Variants in SLC25A17 observed in about 807,000 individuals in gnomAD.
The protein encoded by SLC25A17 is peroxisomal membrane protein PMP34.
A neutral mutation model predicts 38.5 loss-of-function variants in SLC25A17; 26 were observed. The observed-to-expected ratio is 0.68, with a 90% CI of 0.50 to 0.94. The LOEUF is 0.94. Among genes scored for constraint, SLC25A17 ranks in the 40% least tolerant of loss-of-function variants. The probability of loss-of-function intolerance (pLI) is 0.00; values close to 1 mark genes in which losing one functional copy is unlikely to be tolerated. For missense variants in SLC25A17, 333 were observed against 372.7 expected (o/e 0.89, Z 0.88); for synonymous variants, 139 against 136.2 (o/e 1.02, Z -0.14).
At chr22:40,802,705 C>T (rs2057493809) in intron 1 of SLC25A17, among the ~76,000 whole-genome samples, 1 of 152,122 alleles carries the variant, frequency 6.6e-6, no homozygotes, top group African/African-American at 2.4e-5. Flanking sequence ...TTTAGTAGCA[C>T]TGGAAAGACT....
intron 1 of SLC25A17, among the ~76,000 whole-genome samples, chr22:40,800,789 C>CAAA (rs150918938): frequency 9.1e-6 from 1 of 110,336 alleles, no homozygotes. Context: ...GAGTCTGCCT[C>CAAA]AAAAAAAAAA....
intron 4 of SLC25A17, among the ~76,000 whole-genome samples, chr22:40,787,686 TTTC>T (rs1481313217): frequency 6.6e-6 from 1 of 152,102 alleles, no homozygotes; most frequent in Non-Finnish European, 1.5e-5. Context: ...TCTTGACAGT[TTTC>T]TTTTCTTCTT....
At chr22:40,807,993 T>C (rs903638528) in intron 1 of SLC25A17, among the ~76,000 whole-genome samples, 8 of 152,138 alleles carry the variant, frequency 5.3e-5, no homozygotes, top group Non-Finnish European at 1.2e-4. Context: ...ACACTCATTT[T>C]TTTCCCCTGA....
At chr22:40,795,430 C>T (rs931148525) in intron 2 of SLC25A17, among the ~76,000 whole-genome samples, 9 of 151,688 alleles carry the variant, frequency 5.9e-5, no homozygotes, top group Admixed American at 2.6e-4. Flanking sequence ...GTAGCTGGGA[C>T]TACAGGCGCC....
At chr22:40,788,170 C>T (rs1382357382) in intron 4 of SLC25A17, among the ~76,000 whole-genome samples, 2 of 152,314 alleles carry the variant, frequency 1.3e-5, no homozygotes, top group East Asian at 3.9e-4. Context: ...TAGTGACTTG[C>T]CTTTTTACCC....
intron 1 of SLC25A17, 93 bp downstream of exon 1, chr22:40,819,102 C>T: frequency 7.4e-7 from 1 of 1,344,688 alleles, no homozygotes; most frequent in Non-Finnish European, 1.0e-6. Context: ...CACACTACCT[C>T]CCTCTCAGAC....
chr22:40,770,573 C>A lies in SLC25A17; in HGVS notation c.*261G>T, dbSNP rs576972686. 4 of 288,772 alleles carry A rather than the reference C, an allele frequency of 1.4e-5. No individual in the cohort carries two copies. The highest frequency in any genetic ancestry group is 4.3e-5 in the African/African-American group (2 of 46,278). The allele number at this position is 288,772 out of a possible 1,614,324, so 17.9% of individuals were successfully genotyped here. A position where few individuals can be genotyped will look rare whatever the true frequency, so the allele number is the denominator to read the frequency against. On this transcript the variant is annotated 3_prime_UTR_variant, in exon 9 of 9. Coordinates refer to ENST00000435456, the MANE Select transcript of SLC25A17 (RefSeq NM_006358.4). ...TCTTAAGAAAACCAATAAACACTCACAAACTTTCATTTTTAGGTTTTCAGC... is the reference window on the plus strand; with the variant it reads ...TCTTAAGAAAACCAATAAACACTCAAAAACTTTCATTTTTAGGTTTTCAGC...
chr22:40,799,072 T>A lies in SLC25A17; in HGVS notation c.66A>T (p.Thr22=), dbSNP rs754004021. Residue 22 remains threonine (T), a synonymous_variant, in exon 2 of 9, where the codon ACA becomes ACT. Coordinates refer to ENST00000435456, the MANE Select transcript of SLC25A17 (RefSeq NM_006358.4). The part of the protein sequence containing the change: ...HAVAGAVGSV[T]AMTVFFPLDT... ...CCAGGGGAAAAAACACTGTCATTGCTGTCACGCTTCCCTGAAAAGTTTGAA... is the reference window on the plus strand; with the variant it reads ...CCAGGGGAAAAAACACTGTCATTGCAGTCACGCTTCCCTGAAAAGTTTGAA... 1.2e-6 allele frequency: 2 copies of A among 1,613,696 alleles called. No individual in the cohort carries two copies. The highest frequency in any genetic ancestry group is 8.5e-7 in the Non-Finnish European group (1 of 1,179,656).
chr22:40,813,715 C>A (rs940102620), intron 1 of SLC25A17, among the ~76,000 whole-genome samples: 1 of 152,192 alleles, frequency 6.6e-6, no homozygotes, highest in African/African-American at 2.4e-5. Context: ...CAGAGCGAGA[C>A]TGAGTTTCAA....
intron 5 of SLC25A17, among the ~76,000 whole-genome samples, chr22:40,778,631 A>G (rs1427578692): frequency 6.6e-6 from 1 of 152,216 alleles, no homozygotes; most frequent in African/African-American, 2.4e-5. Flanking sequence ...GGTTTGTTAC[A>G]TATGTATATA....
intron 4 of SLC25A17, chr22:40,784,742 C>T (rs1269315707): frequency 6.9e-6 from 1 of 144,342 alleles, no homozygotes; most frequent in East Asian, 2.1e-4. Context: ...CCACTGTACT[C>T]CAGTGCCCGG....
Position 40,789,928 on chromosome 22 carries a change from A to T in SLC25A17, c.334+2597T>A, listed in dbSNP as rs111517002. On this transcript the variant is annotated intron_variant, in intron 4 of 8. Coordinates refer to ENST00000435456, the MANE Select transcript of SLC25A17 (RefSeq NM_006358.4). This position sits in a 1 kb window ranked among gnomAD's most constrained non-coding sequence, Gnocchi z 4.5. The stretch of plus-strand genomic sequence containing the variant: ...ACTGCTGGGATTACAGGGGTGAGCC[A>T]CCACACCTGGCCTTGGACCATTTTC... Among the ~76,000 whole-genome samples, 1 of 151,912 alleles carries T rather than the reference A, an allele frequency of 6.6e-6. No homozygotes were observed. Among genetic ancestry groups the T allele is most frequent in the Non-Finnish European group, 1.5e-5 (1 of 67,974 alleles).
At chr22:40,806,108 T>C (rs1196669653) in intron 1 of SLC25A17, among the ~76,000 whole-genome samples, 3 of 152,140 alleles carry the variant, frequency 2.0e-5, no homozygotes, top group Non-Finnish European at 2.9e-5. Flanking sequence ...CTAACCATTA[T>C]CATATTTTGC....
intron 1 of SLC25A17, among the ~76,000 whole-genome samples, chr22:40,816,836 C>G (rs990375338): frequency 2.0e-5 from 3 of 152,146 alleles, no homozygotes; most frequent in African/African-American, 7.2e-5. Context: ...GCCTCGAACT[C>G]CTGACCTCAG....
chr22:40,771,110 G>C, intron 8 of SLC25A17, 129 bp from the exon 9 acceptor site: 2 of 838,646 alleles, frequency 2.4e-6, no homozygotes, highest in Non-Finnish European at 3.4e-6. Flanking sequence ...TGTTGTCAAA[G>C]TACTTTCCTT....
chr22:40,812,288 T>G (rs1298455668), intron 1 of SLC25A17, among the ~76,000 whole-genome samples: 1 of 152,156 alleles, frequency 6.6e-6, no homozygotes, highest in East Asian at 1.9e-4. Flanking sequence ...GCTATATCTC[T>G]CCTGTAAATA....
chr22:40,788,813 G>T, intron 4 of SLC25A17: 2 of 237,922 alleles, frequency 8.4e-6, no homozygotes, highest in South Asian at 7.1e-5. Flanking sequence ...TAGAAACCTG[G>T]AAGAAATTAT....
intron 7 of SLC25A17, among the ~76,000 whole-genome samples, chr22:40,775,435 G>GTT (rs2057231098): frequency 1.0e-5 from 1 of 95,792 alleles, no homozygotes; most frequent in Non-Finnish European, 2.1e-5. Context: ...GAGATCTGAT[G>GTT]GTTTTTTTTT....
chr22:40,808,809 T>A (rs1041544169), intron 1 of SLC25A17, among the ~76,000 whole-genome samples: 3 of 152,098 alleles, frequency 2.0e-5, no homozygotes, highest in African/African-American at 7.2e-5. Flanking sequence ...TTCTAGGAGG[T>A]TTTGTAGGAT....
Sources: allele counts gnomAD v4.1 joint callset (sites outside exome capture counted in the v4.1 genomes callset), GRCh38; gene constraint gnomAD v4.1.1; non-coding constraint Gnocchi (gnomAD v3.1); transcripts MANE v1.5; gene names NCBI Gene and HGNC (gene_info 2026-07-23, HGNC 2026-07-21).